The following LRRTM4 variants were observed in gnomAD, a reference collection of about 807,000 sequenced individuals.
The protein encoded by LRRTM4 is leucine rich repeat transmembrane neuronal 4, also known as leucine-rich repeat transmembrane neuronal protein 4.
Under a neutral mutation model 47.6 loss-of-function variants are expected in LRRTM4, and 25 were observed. That is an observed-to-expected ratio of 0.53 (90% CI 0.38 to 0.73). The LOEUF is 0.73. Ranked by LOEUF, LRRTM4 falls within the 30% of genes least tolerant of loss-of-function variation. LRRTM4 has a pLI of 0.00. For synonymous variants in LRRTM4, 311 were observed against 269.5 expected (o/e 1.15, Z -1.51); for missense variants, 638 against 713.4 (o/e 0.89, Z 1.20).
At chr2:77,440,155 C>T (rs886399585) in intron 3 of LRRTM4, among the ~76,000 whole-genome samples, 2 of 152,178 alleles carry the variant, frequency 1.3e-5, no homozygotes, top group East Asian at 3.9e-4. Context: ...TGGCTCACGC[C>T]TGTAATCCGA....
chr2:77,462,091 G>A (rs1175246253), intron 3 of LRRTM4, among the ~76,000 whole-genome samples: 1 of 152,012 alleles, frequency 6.6e-6, no homozygotes, highest in East Asian at 1.9e-4. Context: ...ACTTTCTTCA[G>A]AAAGTCTGAC....
chr2:77,234,447 A>C (rs907040432), intron 3 of LRRTM4, among the ~76,000 whole-genome samples: 1 of 152,222 alleles, frequency 6.6e-6, no homozygotes, highest in Non-Finnish European at 1.5e-5. Context: ...ATATATGTCT[A>C]CAAGTGTAAA....
intron 3 of LRRTM4, among the ~76,000 whole-genome samples, chr2:77,345,830 A>G (rs77651189): frequency 0.032 from 4,839 of 151,664 alleles, 121 homozygotes; most frequent in African/African-American, 0.071. Context: ...ATATATATAT[A>G]TGTGTGTGTA....
At chr2:77,091,642 C>T (rs2103887573) in intron 3 of LRRTM4, among the ~76,000 whole-genome samples, 1 of 148,462 alleles carries the variant, frequency 6.7e-6, no homozygotes, top group Admixed American at 6.8e-5. Context: ...CTTTACTATT[C>T]CTTTGCACCC....
intron 3 of LRRTM4, among the ~76,000 whole-genome samples, chr2:77,282,802 T>C (rs1323334812): frequency 6.6e-6 from 1 of 151,988 alleles, no homozygotes; most frequent in Non-Finnish European, 1.5e-5. Flanking sequence ...TATAGAAGAA[T>C]GAAACTGGAC....
chr2:77,086,195 C>G (rs1399971864), intron 3 of LRRTM4, among the ~76,000 whole-genome samples: 1 of 152,120 alleles, frequency 6.6e-6, no homozygotes, highest in African/African-American at 2.4e-5. Flanking sequence ...TTCACTTAAT[C>G]CTGACAGCCA....
chr2:77,176,193 AATAAAT>A (rs1222794245), intron 3 of LRRTM4, among the ~76,000 whole-genome samples: 1 of 152,142 alleles, frequency 6.6e-6, no homozygotes, highest in Admixed American at 6.6e-5. Flanking sequence ...ATTTGATATA[AATAAAT>A]ATAAAGTCAG....
intron 3 of LRRTM4, among the ~76,000 whole-genome samples, chr2:77,366,669 T>A (rs1260372955): frequency 6.6e-6 from 1 of 151,914 alleles, no homozygotes; most frequent in Non-Finnish European, 1.5e-5. Context: ...GTGACCCTTA[T>A]CTGAGTAAAA....
chr2:77,348,184 T>G (rs1209332500), intron 3 of LRRTM4, among the ~76,000 whole-genome samples: 1 of 151,942 alleles, frequency 6.6e-6, no homozygotes, highest in African/African-American at 2.4e-5. Flanking sequence ...GTATGCTCAT[T>G]TAACCATTTA....
At chr2:77,426,856 G>A (rs188913883) in intron 3 of LRRTM4, among the ~76,000 whole-genome samples, 1 of 152,014 alleles carries the variant, frequency 6.6e-6, no homozygotes. Flanking sequence ...CAGAGAGAGA[G>A]AGAGGGAGAG....
intron 3 of LRRTM4, among the ~76,000 whole-genome samples, chr2:77,140,789 AC>A (rs1163875628): frequency 6.6e-6 from 1 of 152,202 alleles, no homozygotes; most frequent in African/African-American, 2.4e-5. Flanking sequence ...GAAAAAAACA[AC>A]CCCATCAAAA....
At chr2:76,921,749 T>A (rs1674439901) in intron 3 of LRRTM4, among the ~76,000 whole-genome samples, 1 of 152,074 alleles carries the variant, frequency 6.6e-6, no homozygotes, top group African/African-American at 2.4e-5. Flanking sequence ...ATTGTTTTGA[T>A]TTTTGTGGAT....
intron 3 of LRRTM4, among the ~76,000 whole-genome samples, chr2:76,795,406 A>T (rs974204895): frequency 4.0e-5 from 6 of 150,768 alleles, no homozygotes; most frequent in African/African-American, 1.2e-4. Flanking sequence ...TATACTGAAC[A>T]TGTAAAGATT....
At chr2:77,118,503 T>G (rs779543579) in intron 3 of LRRTM4, among the ~76,000 whole-genome samples, 5 of 151,924 alleles carry the variant, frequency 3.3e-5, no homozygotes, top group Non-Finnish European at 7.4e-5. Flanking sequence ...CCCAAGATCT[T>G]CCAATGATGG....
In LRRTM4 at chr2:77,137,779, G is replaced by A. The variant is rs184592638; in HGVS notation, c.1551+380539C>T. 1.3e-3 allele frequency among the ~76,000 whole-genome samples: 204 copies of A among 152,130 alleles called. 1 individual carries two copies. Among genetic ancestry groups the A allele is most frequent in the Middle Eastern group, 6.8e-3 (2 of 294 alleles). ...GGCTCAAAATAAAGGGATGGAGGAA[G>A]ATCTACCAAGCAAATTTAAAACAAA... On this transcript the variant is annotated intron_variant, in intron 3 of 3. Coordinates refer to ENST00000409884, the MANE Select transcript of LRRTM4 (RefSeq NM_001134745.3).
At chr2:77,429,793 G>C (rs973840029) in intron 3 of LRRTM4, among the ~76,000 whole-genome samples, 1 of 152,080 alleles carries the variant, frequency 6.6e-6, no homozygotes, top group African/African-American at 2.4e-5. Context: ...CTGCCAGGTG[G>C]GGTGTCTCAT....
chr2:77,329,033 C>T (rs1279241576), intron 3 of LRRTM4, among the ~76,000 whole-genome samples: 1 of 152,128 alleles, frequency 6.6e-6, no homozygotes, highest in Non-Finnish European at 1.5e-5. Flanking sequence ...TGCGTCTTGT[C>T]CGAGATGGCT....
intron 3 of LRRTM4, among the ~76,000 whole-genome samples, chr2:76,786,484 A>T (rs1001154300): frequency 4.6e-5 from 7 of 151,970 alleles, no homozygotes; most frequent in African/African-American, 7.2e-5. Flanking sequence ...CAGTAGTTAT[A>T]ATTGAATTAA....
intron 3 of LRRTM4, among the ~76,000 whole-genome samples, chr2:77,509,533 T>G (rs980042312): frequency 2.1e-4 from 32 of 152,094 alleles, no homozygotes; most frequent in African/African-American, 7.5e-4. Flanking sequence ...TTCACTTTAC[T>G]AAAAATGTAA....
Sources: allele counts gnomAD v4.1 joint callset (sites outside exome capture counted in the v4.1 genomes callset), GRCh38; gene constraint gnomAD v4.1.1; transcripts MANE v1.5; gene names NCBI Gene and HGNC (gene_info 2026-07-23, HGNC 2026-07-21).